Variants in FMNL3 observed in about 807,000 individuals in gnomAD.
The protein encoded by FMNL3 is formin like 3.
FMNL3 carries 57 observed loss-of-function variants against 119.6 expected under a neutral mutation model. The observed-to-expected ratio is 0.48, with a 90% CI of 0.39 to 0.59. The LOEUF (loss-of-function observed/expected upper bound fraction) is 0.59, where lower values mean the gene tolerates loss of function less well. Ranked by LOEUF, FMNL3 falls within the 20% of genes least tolerant of loss-of-function variation. The pLI is 0.00. For synonymous variants in FMNL3, 491 were observed against 507.3 expected (o/e 0.97, Z 0.43); for missense variants, 1,053 against 1,323.5 (o/e 0.80, Z 3.17).
intron 1 of FMNL3, among the ~76,000 whole-genome samples, chr12:49,686,348 G>A (rs147190529): frequency 0.048 from 7,262 of 151,600 alleles, 233 homozygotes; most frequent in Non-Finnish European, 0.07. Context: ...TTGGGAGGCC[G>A]ACGCAGGCGG....
chr12:49,706,669 C>T (rs1945056301), intron 1 of FMNL3, among the ~76,000 whole-genome samples: 1 of 152,180 alleles, frequency 6.6e-6, no homozygotes, highest in South Asian at 2.1e-4. Flanking sequence ...GCGAGCCGGC[C>T]GCGCTTCTGA....
At chr12:49,698,041 G>A (rs1279145369) in intron 1 of FMNL3, among the ~76,000 whole-genome samples, 3 of 152,124 alleles carry the variant, frequency 2.0e-5, no homozygotes, top group Non-Finnish European at 4.4e-5. Flanking sequence ...CTAAGCTATA[G>A]GTAGTTTTTA....
chr12:49,665,345 T>C (rs1383489161), intron 4 of FMNL3, among the ~76,000 whole-genome samples: 1 of 152,190 alleles, frequency 6.6e-6, no homozygotes, highest in Non-Finnish European at 1.5e-5. Context: ...ACATCTTTCC[T>C]GGTGCTTAAG....
In FMNL3 at chr12:49,643,912, G is replaced by A. The variant is rs778813456; in HGVS notation, c.*1903C>T. On this transcript the variant is annotated 3_prime_UTR_variant, in exon 26 of 26. Transcript: ENST00000335154. Reference sequence around the variant, plus strand: ...TGAGGAGAAAGCTGGCAAGGAGAGCGATGAGAAAGAACAAGAACAGGACAA... The same window carrying A: ...TGAGGAGAAAGCTGGCAAGGAGAGCAATGAGAAAGAACAAGAACAGGACAA... The A allele has an allele frequency of 9.9e-6, 16 of 1,614,078 alleles. No individual in the cohort carries two copies. In the East Asian group the frequency reaches 1.3e-4, roughly 13 times the overall value.
At position 49,681,855 on chromosome 12, in the gene FMNL3, A is replaced by G. The variant is rs76339966; in HGVS notation, c.127-13301T>C. Among the ~76,000 whole-genome samples, 261 of 151,736 alleles carry G rather than the reference A, an allele frequency of 1.7e-3. 3 individuals are homozygous for G. The highest frequency in any genetic ancestry group is 6.1e-3 in the African/African-American group (252 of 41,384). On this transcript the variant is annotated intron_variant, in intron 1 of 25. Transcript: ENST00000335154. ...TTACAAGTGTGACCCACCGTGCCCA[A>G]CCAGGGAAAGTTATGAAACTTCTTT...
At chr12:49,688,417 G>A (rs1944522055) in intron 1 of FMNL3, 1 of 455,920 alleles carries the variant, frequency 2.2e-6, no homozygotes, top group Admixed American at 2.4e-5. Context: ...AGGCCAACAA[G>A]GTCCCACATA....
At chr12:49,646,326 C>T (rs1943183953) in intron 25 of FMNL3, among the ~76,000 whole-genome samples, 1 of 152,142 alleles carries the variant, frequency 6.6e-6, no homozygotes, top group African/African-American at 2.4e-5. Context: ...ACCTCAGCCT[C>T]AAAGATCAGA....
At chr12:49,666,092 G>A in intron 3 of FMNL3, 35 bp downstream of exon 3, 1 of 1,602,218 alleles carries the variant, frequency 6.2e-7, no homozygotes, top group Non-Finnish European at 8.5e-7. Context: ...ACTATAAAGG[G>A]TGGCAAGACG....
chr12:49,653,371 G>C, intron 12 of FMNL3, 44 bp from the exon 13 acceptor site: 1 of 1,595,190 alleles, frequency 6.3e-7, no homozygotes, highest in Non-Finnish European at 8.6e-7. Flanking sequence ...CCTAAAGCCT[G>C]GGCACTCAGC....
chr12:49,666,796 T>TA (rs199843881), intron 2 of FMNL3, among the ~76,000 whole-genome samples: 31 of 149,012 alleles, frequency 2.1e-4, no homozygotes, highest in Admixed American at 8.7e-4. Context: ...GATCCCTCTC[T>TA]AAAAAAAAAA....
At chr12:49,661,787 TC>T in intron 5 of FMNL3, 178 bp downstream of exon 5, 1 of 620,120 alleles carries the variant, frequency 1.6e-6, no homozygotes. Flanking sequence ...TCTTCACTGA[TC>T]CCCAGACATC....
chr12:49,645,648 A>T lies in FMNL3; in HGVS notation c.*167T>A. The T allele has an allele frequency of 3.4e-6, 2 of 591,270 alleles. No homozygotes were observed. The highest frequency in any genetic ancestry group is 5.8e-6 in the Non-Finnish European group (2 of 342,672). The allele number at this position is 591,270 out of a possible 1,614,324, so 36.6% of individuals were successfully genotyped here. A position where few individuals can be genotyped will look rare whatever the true frequency, so the allele number is the denominator to read the frequency against. ...TACTGGAAGCACCAGGGACCTACAGACCTAGTGCCCATAGTGGCACAAGTA... is the reference window on the plus strand; with the variant it reads ...TACTGGAAGCACCAGGGACCTACAGTCCTAGTGCCCATAGTGGCACAAGTA... On this transcript the variant is annotated 3_prime_UTR_variant, in exon 26 of 26. Transcript: ENST00000335154.
At chr12:49,692,830 G>T (rs1944641798) in intron 1 of FMNL3, among the ~76,000 whole-genome samples, 1 of 152,148 alleles carries the variant, frequency 6.6e-6, no homozygotes, top group Non-Finnish European at 1.5e-5. Flanking sequence ...TGCTAACTAA[G>T]AAAAAGAATA....
At chr12:49,697,753 G>A (rs545115935) in intron 1 of FMNL3, among the ~76,000 whole-genome samples, 1 of 152,008 alleles carries the variant, frequency 6.6e-6, no homozygotes, top group South Asian at 2.1e-4. Context: ...GTTGTCTCCT[G>A]TAAGCATCCT....
intron 12 of FMNL3, 71 bp from the exon 13 acceptor site, chr12:49,653,398 T>C (rs1943469499): frequency 2.6e-6 from 4 of 1,510,568 alleles, no homozygotes; most frequent in Non-Finnish European, 3.7e-6. Flanking sequence ...TGAACCCTAG[T>C]CAAGACCTGA....
intron 1 of FMNL3, among the ~76,000 whole-genome samples, chr12:49,681,643 AAACTC>A (rs933469619): frequency 3.3e-5 from 5 of 151,536 alleles, no homozygotes; most frequent in Admixed American, 2.6e-4. Context: ...CTGCAGCCCC[AAACTC>A]ATGGGCTCAA....
At position 49,692,554 on chromosome 12, in the gene FMNL3, A is replaced by G. The variant is rs1592692400; in HGVS notation, c.126+14501T>C. On this transcript the variant is annotated intron_variant, in intron 1 of 25. Coordinates refer to ENST00000335154, the MANE Select transcript of FMNL3 (RefSeq NM_175736.5). ...ATTTTTCTAGGCCTTTTTTCTATGTATTTATATACAACCATATATGGTTTT... is the reference window on the plus strand; with the variant it reads ...ATTTTTCTAGGCCTTTTTTCTATGTGTTTATATACAACCATATATGGTTTT... Among the ~76,000 whole-genome samples, 3 of 152,250 alleles carry G rather than the reference A, an allele frequency of 2.0e-5. No individual in the cohort carries two copies. In the East Asian group the frequency reaches 5.8e-4, roughly 29 times the overall value.
intron 1 of FMNL3, among the ~76,000 whole-genome samples, chr12:49,671,574 C>T (rs761123874): frequency 4.6e-5 from 7 of 152,230 alleles, no homozygotes; most frequent in Admixed American, 1.3e-4. Context: ...AGTTCTCTTC[C>T]TGCTAGACAA....
At chr12:49,673,000 G>A (rs1944086958) in intron 1 of FMNL3, among the ~76,000 whole-genome samples, 2 of 152,224 alleles carry the variant, frequency 1.3e-5, no homozygotes, top group Non-Finnish European at 2.9e-5. Context: ...AGGCTTTAGG[G>A]AAGCTCCAGC....
Sources: gnomAD v4.1 joint callset for allele counts (sites outside exome capture counted in the v4.1 genomes callset) on GRCh38, gnomAD v4.1.1 for gene constraint, MANE v1.5 for transcripts, NCBI Gene and HGNC (gene_info 2026-07-23, HGNC 2026-07-21) for gene names.